WDR4: variants seen among roughly 807,000 people sequenced by gnomAD.
WDR4 encodes WDR4 tRNA N7-guanosine methyltransferase non-catalytic subunit, also known as tRNA (guanine-N(7)-)-methyltransferase non-catalytic subunit WDR4.
WDR4 carries 47 observed loss-of-function variants against 48.6 expected under a neutral mutation model. The observed-to-expected ratio is 0.97, with a 90% CI of 0.77 to 1.23. WDR4 has a LOEUF of 1.23. Ranked by LOEUF, WDR4 falls within the 50% of genes most tolerant of loss-of-function variation. WDR4 has a pLI of 0.00. For synonymous variants in WDR4, 268 were observed against 230.0 expected, an observed-to-expected ratio of 1.17 and a Z score of -1.49; for missense variants, 606 against 551.6, an observed-to-expected ratio of 1.10 and a Z score of -0.99.
intron 6 of WDR4, among the ~76,000 whole-genome samples, chr21:42,857,929 A>G (rs962104856): frequency 3.3e-5 from 5 of 152,112 alleles, no homozygotes; most frequent in African/African-American, 9.7e-5. Flanking sequence ...CATCACTACA[A>G]AAGTATAAAA....
intron 2 of WDR4, among the ~76,000 whole-genome samples, chr21:42,875,553 C>CA (rs1023147580): frequency 2.7e-5 from 4 of 150,854 alleles, no homozygotes; most frequent in East Asian, 1.9e-4. Flanking sequence ...GACTCCATCT[C>CA]AAAAAAAAAT....
At chr21:42,861,348 G>T (rs7283221) in intron 5 of WDR4, among the ~76,000 whole-genome samples, 1 of 144,538 alleles carries the variant, frequency 6.9e-6, no homozygotes, top group Admixed American at 6.9e-5. Context: ...GGGTGGGGAG[G>T]GGGGAAGGAA....
At chr21:42,873,519 C>T (rs377692882) in intron 3 of WDR4, 32 bp downstream of exon 3, 28 of 1,612,330 alleles carry the variant, frequency 1.7e-5, no homozygotes, top group Non-Finnish European at 2.2e-5. Flanking sequence ...GTGCATTCGA[C>T]ATCTTAAGAA....
At chr21:42,865,511 C>G (rs977960862) in intron 3 of WDR4, among the ~76,000 whole-genome samples, 2 of 152,168 alleles carry the variant, frequency 1.3e-5, no homozygotes, top group African/African-American at 4.8e-5. Context: ...CCCAGCTCAG[C>G]AGAGGGCACT....
intron 3 of WDR4, among the ~76,000 whole-genome samples, chr21:42,872,288 T>G (rs1048486124): frequency 2.0e-5 from 3 of 151,908 alleles, no homozygotes; most frequent in Non-Finnish European, 4.4e-5. Context: ...TGCACCCAGC[T>G]GAATTTGGGT....
intron 3 of WDR4, among the ~76,000 whole-genome samples, chr21:42,868,665 A>G (rs1370330428): frequency 1.3e-5 from 2 of 152,194 alleles, no homozygotes; most frequent in African/African-American, 4.8e-5. Context: ...CAGGCAGCCT[A>G]AGTACGTGAT....
upstream of WDR4, among the ~76,000 whole-genome samples, chr21:42,881,000 A>G (rs3761380): frequency 0.65 from 97,961 of 150,728 alleles, 33,683 homozygotes; most frequent in African/African-American, 0.88. Context: ...CCACCTCCCG[A>G]GTTCACGCCA....
intron 2 of WDR4, among the ~76,000 whole-genome samples, chr21:42,876,168 G>A (rs13050269): frequency 0.13 from 19,150 of 149,254 alleles, 1,250 homozygotes; most frequent in East Asian, 0.23. Flanking sequence ...GCTTCCCAAA[G>A]TGCTGAGATT....
At chr21:42,850,351 C>A (rs1262702162) in intron 10 of WDR4, 109 bp from the exon 11 acceptor site, 1 of 1,041,658 alleles carries the variant, frequency 9.6e-7, no homozygotes, top group Non-Finnish European at 1.4e-6. Context: ...CCAGAGTCCT[C>A]GGTGGACCGT....
chr21:42,848,424 C>A (rs996272186), downstream of WDR4, among the ~76,000 whole-genome samples: 1 of 126,230 alleles, frequency 7.9e-6, no homozygotes, highest in African/African-American at 3.1e-5. Flanking sequence ...CTCACTCACA[C>A]AGCGCACAAT....
At chr21:42,847,489 G>A (rs1279592886), downstream of WDR4, among the ~76,000 whole-genome samples, 4 of 152,202 alleles carry the variant, frequency 2.6e-5, no homozygotes, top group Non-Finnish European at 5.9e-5. Context: ...GGATGCTGAG[G>A]AATAGCAGGA....
At chr21:42,881,208 T>TTGTTA (rs1211748212), upstream of WDR4, among the ~76,000 whole-genome samples, 1 of 152,156 alleles carries the variant, frequency 6.6e-6, no homozygotes, top group Admixed American at 6.6e-5. Context: ...GCCCAGCCAC[T>TTGTTA]TGTTAACATT....
chr21:42,843,879 T>C (rs957334042), intron 11 of WDR4, among the ~76,000 whole-genome samples: 18 of 152,166 alleles, frequency 1.2e-4, no homozygotes, highest in Admixed American at 3.3e-4. Context: ...TTTTTAAAGA[T>C]GAGGTCTCAC....
At chr21:42,847,800 G>A (rs1569307898), downstream of WDR4, among the ~76,000 whole-genome samples, 1 of 152,046 alleles carries the variant, frequency 6.6e-6, no homozygotes, top group South Asian at 2.1e-4. Context: ...CAGGCCGTGG[G>A]CAGGATGCAG....
At position 42,863,410 on chromosome 21, in the gene WDR4, TGTCCCCCACCTACCAC is replaced by T; in HGVS notation, c.453+14_453+29del. 2.9e-4 allele frequency: 469 copies of T among 1,592,154 alleles called. No homozygotes were observed. Among genetic ancestry groups the T allele is most frequent in the Non-Finnish European group, 3.7e-4 (433 of 1,165,654 alleles). On this transcript the variant is annotated intron_variant, in intron 4 of 10. Coordinates refer to ENST00000398208, the MANE Select transcript of WDR4 (RefSeq NM_018669.6). ...CATGTACCGTGTCCCACACCTGCCA[TGTCCCCCACCTACCAC>T]GTCCCCCACCTACCACATCTAACAG...
chr21:42,847,407 A>G (rs2057720351), downstream of WDR4, among the ~76,000 whole-genome samples: 2 of 152,228 alleles, frequency 1.3e-5, no homozygotes, highest in African/African-American at 4.8e-5. Context: ...GGTACCAGCA[A>G]GAAGGCAGCT....
At chr21:42,885,682 T>G in the WDR4 span, among the ~76,000 whole-genome samples, 1 of 152,192 alleles carries the variant, frequency 6.6e-6, no homozygotes, top group Non-Finnish European at 1.5e-5. Context: ...GGATATTGAT[T>G]AGAATGTAAT....
At chr21:42,878,839 G>A (rs940959131) in intron 1 of WDR4, among the ~76,000 whole-genome samples, 2 of 152,208 alleles carry the variant, frequency 1.3e-5, no homozygotes, top group African/African-American at 2.4e-5. Flanking sequence ...CCCTTGGGTT[G>A]GGTAAGTGTC....
intron 6 of WDR4, among the ~76,000 whole-genome samples, chr21:42,857,211 G>C (rs573191448): frequency 4.6e-5 from 7 of 152,044 alleles, no homozygotes; most frequent in Non-Finnish European, 8.8e-5. Flanking sequence ...CCTGTCTCGG[G>C]GATGCCAAAT....
Sources: gnomAD v4.1 joint callset for allele counts (sites outside exome capture counted in the v4.1 genomes callset) on GRCh38, gnomAD v4.1.1 for gene constraint, MANE v1.5 for transcripts, NCBI Gene and HGNC (gene_info 2026-07-23, HGNC 2026-07-21) for gene names.